Variants in SRGAP2C observed in about 807,000 individuals in gnomAD.
SRGAP2C encodes the protein SLIT-ROBO Rho GTPase-activating protein 2C.
In SRGAP2C, 15 loss-of-function variants were observed where a neutral mutation model predicts 25.1. The observed-to-expected ratio is 0.60, with a 90% CI of 0.40 to 0.92. The LOEUF (loss-of-function observed/expected upper bound fraction) is 0.92. SRGAP2C is among the 40% of genes least tolerant of loss of function. SRGAP2C has a pLI of 0.00. For missense variants in SRGAP2C, 144 were observed against 264.4 expected (o/e 0.54, Z 3.16); for synonymous variants, 44 against 96.6 (o/e 0.46, Z 3.19).
intron 2 of SRGAP2C, among the ~76,000 whole-genome samples, chr1:121,263,694 TA>T (rs1398252003): frequency 6.6e-6 from 1 of 151,706 alleles, no homozygotes; most frequent in African/African-American, 2.4e-5. Context: ...TGCTAAGTTT[TA>T]ATGTCTTTCA....
intron 2 of SRGAP2C, among the ~76,000 whole-genome samples, chr1:121,234,947 C>CTCTTT (rs1426458263): frequency 6.6e-6 from 1 of 151,766 alleles, no homozygotes; most frequent in East Asian, 1.9e-4. Context: ...AAATTCTTTT[C>CTCTTT]TCTTTTCTTT....
intron 3 of SRGAP2C, among the ~76,000 whole-genome samples, chr1:121,312,635 C>T (rs1657992702): frequency 1.6e-5 from 2 of 121,994 alleles, no homozygotes; most frequent in South Asian, 5.3e-4. Context: ...TGTTTTTTCT[C>T]GTTGGTTTCA....
At chr1:121,337,559 G>A in intron 4 of SRGAP2C, among the ~76,000 whole-genome samples, 1 of 151,872 alleles carries the variant, frequency 6.6e-6, no homozygotes, top group Non-Finnish European at 1.5e-5. Context: ...TTGAACCTGG[G>A]AGGCAGAGGT....
intron 2 of SRGAP2C, among the ~76,000 whole-genome samples, chr1:121,258,584 G>A (rs1656537232): frequency 6.6e-6 from 1 of 151,082 alleles, no homozygotes; most frequent in South Asian, 2.1e-4. Context: ...TCCTGCATCA[G>A]CCTCCTGAGT....
intron 3 of SRGAP2C, among the ~76,000 whole-genome samples, chr1:121,298,411 T>A (rs1286456015): frequency 7.4e-6 from 1 of 135,450 alleles, no homozygotes; most frequent in Non-Finnish European, 1.6e-5. Context: ...AGAAGGCCAG[T>A]CCTATTCAGC....
In SRGAP2C at chr1:121,253,949, G is replaced by A. The variant is rs587695035; in HGVS notation, c.68-30854G>A. On this transcript the variant is annotated intron_variant, in intron 2 of 9. Transcript: ENST00000367123. ...CTCTTTTTTGATGGAGTCTCACTCC[G>A]TCACCCAGGCTGGAGTGCAGTGGCA... is the stretch of plus-strand genomic sequence containing the variant. Among the ~76,000 whole-genome samples the A allele has an allele frequency of 1.8e-3, 271 of 151,810 alleles. 2 individuals carry two copies. The highest frequency in any genetic ancestry group is 5.6e-3 in the African/African-American group (232 of 41,460).
chr1:121,234,970 T>TCCTC (rs1655911462), intron 2 of SRGAP2C, among the ~76,000 whole-genome samples: 1 of 151,462 alleles, frequency 6.6e-6, no homozygotes, highest in Non-Finnish European at 1.5e-5. Context: ...TTCTTTTCTT[T>TCCTC]CCTCCCTCCC....
intron 2 of SRGAP2C, among the ~76,000 whole-genome samples, chr1:121,232,640 G>A (rs587648010): frequency 2.0e-5 from 3 of 150,714 alleles, no homozygotes; most frequent in Non-Finnish European, 4.4e-5. Flanking sequence ...TGAAGCAAAG[G>A]CTCTGCACTT....
intron 3 of SRGAP2C, among the ~76,000 whole-genome samples, chr1:121,310,700 G>C (rs1313755797): frequency 3.7e-4 from 33 of 89,714 alleles, no homozygotes; most frequent in Non-Finnish European, 6.3e-4. Flanking sequence ...CCCATTGCTT[G>C]TTTTTCTCAG....
chr1:121,259,868 A>T (rs868982975), intron 2 of SRGAP2C, among the ~76,000 whole-genome samples: 1,378 of 73,582 alleles, frequency 0.019, 22 homozygotes, highest in African/African-American at 0.08. Context: ...TTTTTTTTTT[A>T]AAGAGACAAG....
intron 2 of SRGAP2C, among the ~76,000 whole-genome samples, chr1:121,237,626 G>C (rs1389430526): frequency 6.6e-6 from 1 of 151,970 alleles, no homozygotes; most frequent in African/African-American, 2.4e-5. Context: ...TCATAGTAAA[G>C]GTAACAGAAT....
At chr1:121,192,388 C>CA (rs1458824730) in intron 2 of SRGAP2C, among the ~76,000 whole-genome samples, 3 of 151,738 alleles carry the variant, frequency 2.0e-5, no homozygotes, top group East Asian at 1.9e-4. Context: ...AAAACAACAA[C>CA]AAAAAAAGCT....
chr1:121,206,261 A>G (rs797036099), intron 2 of SRGAP2C, among the ~76,000 whole-genome samples: 57 of 152,038 alleles, frequency 3.7e-4, no homozygotes, highest in Admixed American at 3.5e-3. Flanking sequence ...TTGAGGGTGG[A>G]CAGTGGGCAG....
chr1:121,341,109 A>G (rs1250608375), intron 4 of SRGAP2C, among the ~76,000 whole-genome samples: 2 of 75,050 alleles, frequency 2.7e-5, no homozygotes, highest in Non-Finnish European at 5.0e-5. Flanking sequence ...AATAATTCAG[A>G]GGGATAATAG....
rs376527431 is a variant in SRGAP2C, at chr1:121,266,143, T to C, written c.68-18660T>C. Among the ~76,000 whole-genome samples, 340 of 150,668 alleles carry C rather than the reference T, an allele frequency of 2.3e-3. 2 individuals carry two copies. The highest frequency in any genetic ancestry group is 0.01 in the Middle Eastern group (3 of 294). ...GTGCCTACACCACACCTGGCTAATT[T>C]TTGTATTGTTTTGTAGAGATGGGGT... On this transcript the variant is annotated intron_variant, in intron 2 of 9. Coordinates refer to ENST00000367123, the MANE Select transcript of SRGAP2C (RefSeq NM_001329984.2).
At chr1:121,348,682 T>G (rs1323384994) in intron 4 of SRGAP2C, among the ~76,000 whole-genome samples, 8 of 150,516 alleles carry the variant, frequency 5.3e-5, no homozygotes, top group Admixed American at 4.0e-4. Context: ...TGCAAGGCAT[T>G]GTATAAGATT....
chr1:121,367,824 C>T (rs1433345192), intron 5 of SRGAP2C, among the ~76,000 whole-genome samples: 2 of 143,394 alleles, frequency 1.4e-5, no homozygotes, highest in East Asian at 2.1e-4. Flanking sequence ...CCTGTAATCC[C>T]AGCACTTTGG....
Position 121,273,289 on chromosome 1 carries a change from A to G in SRGAP2C, c.68-11514A>G, listed in dbSNP as rs1301974666. On this transcript the variant is annotated intron_variant, in intron 2 of 9. Coordinates refer to ENST00000367123, the MANE Select transcript of SRGAP2C (RefSeq NM_001329984.2). ...ACAGTTTACCTTTCCATAAAAAAAAACTGTGGTCAACTAAATCAGTTCTTA... is the reference window on the plus strand; with the variant it reads ...ACAGTTTACCTTTCCATAAAAAAAAGCTGTGGTCAACTAAATCAGTTCTTA... Among the ~76,000 whole-genome samples the G allele has an allele frequency of 1.0e-4, 10 of 96,716 alleles. 1 individual carries two copies. The highest frequency in any genetic ancestry group is 2.2e-4 in the Admixed American group (2 of 9,024). 63.4% of individuals were successfully genotyped at this position (96,716 alleles called of 152,430 possible).
intron 4 of SRGAP2C, among the ~76,000 whole-genome samples, chr1:121,356,655 G>C (rs1659070967): frequency 1.3e-5 from 2 of 151,204 alleles, no homozygotes; most frequent in Non-Finnish European, 2.9e-5. Context: ...TTGGGAAATG[G>C]GGTGATCACT....
Sources: gnomAD v4.1 joint callset for allele counts (sites outside exome capture counted in the v4.1 genomes callset) on GRCh38, gnomAD v4.1.1 for gene constraint, MANE v1.5 for transcripts, NCBI Gene and HGNC (gene_info 2026-07-23, HGNC 2026-07-21) for gene names.